Variants in TVP23B observed in about 807,000 individuals in gnomAD.
The protein encoded by TVP23B is trans-golgi network vesicle protein 23 homolog B.
TVP23B carries 10 observed loss-of-function variants against 30.6 expected under a neutral mutation model. That is an observed-to-expected ratio of 0.33 (90% CI 0.20 to 0.55). The LOEUF (loss-of-function observed/expected upper bound fraction) is 0.55, where lower values mean the gene tolerates loss of function less well. TVP23B is among the 20% of genes least tolerant of loss of function. TVP23B has a pLI of 0.91. For missense variants in TVP23B, 153 were observed against 243.2 expected (o/e 0.63, Z 2.47); for synonymous variants, 67 against 83.1 (o/e 0.81, Z 1.06).
rs773991169 is a variant in TVP23B, at chr17:18,798,823, A to T, written c.342A>T (p.Gln114His). 3.0e-5 allele frequency: 49 copies of T among 1,612,720 alleles called. No homozygotes were observed. The highest frequency in any genetic ancestry group is 4.1e-5 in the Non-Finnish European group (48 of 1,179,448). ...ATGTTCTTTTATAGGAGTCCTCTCA[A>T]GAGAATAAAACTGTGTCAGAGGCTG... ...WVFESRKESS[Q>H]ENKTVSEAES... The change falls in exon 5 of 7, where the codon CAA (glutamine) becomes CAT (histidine). Residue 114 changes from glutamine (Q) to histidine (H), a missense_variant. Gln to His is a conservative substitution (Grantham distance 24). Around this residue, in one of 3 missense-constraint regions of TVP23B, gnomAD observed 53 missense variants for 128.0 expected, o/e 0.41. Coordinates refer to ENST00000307767, the MANE Select transcript of TVP23B (RefSeq NM_016078.6).
chr17:18,793,709 G>T (rs553779917), intron 3 of TVP23B, among the ~76,000 whole-genome samples: 49 of 151,792 alleles, frequency 3.2e-4, no homozygotes, highest in African/African-American at 1.1e-3. Context: ...GCAAAAGAAG[G>T]AAAACAAAGC....
intron 1 of TVP23B, among the ~76,000 whole-genome samples, chr17:18,784,401 C>G (rs1336207671): frequency 2.6e-5 from 4 of 152,088 alleles, no homozygotes; most frequent in African/African-American, 9.7e-5. Flanking sequence ...AATCCCAGCA[C>G]TTTGGGAGGC....
intron 1 of TVP23B, among the ~76,000 whole-genome samples, chr17:18,783,643 ACTCAGGGT>A (rs1245480523): frequency 1.3e-5 from 2 of 152,052 alleles, no homozygotes; most frequent in Non-Finnish European, 2.9e-5. Flanking sequence ...TTGCATGTTT[ACTCAGGGT>A]CTCATATTCT....
chr17:18,787,715 C>T (rs1258695018), intron 1 of TVP23B, among the ~76,000 whole-genome samples: 4 of 152,136 alleles, frequency 2.6e-5, no homozygotes. Context: ...CATGTAGTAA[C>T]AGTATTGCTT....
chr17:18,801,215 T>G (rs1463938114), intron 5 of TVP23B, among the ~76,000 whole-genome samples: 1 of 152,216 alleles, frequency 6.6e-6, no homozygotes, highest in Non-Finnish European at 1.5e-5. Flanking sequence ...TAGGTTTTTC[T>G]GTAGGGTGAA....
At position 18,797,611 on chromosome 17, in the gene TVP23B, T is replaced by C. The variant is rs765156300; in HGVS notation, c.273T>C (p.Arg91=). 3 of 1,610,122 alleles carry C rather than the reference T, an allele frequency of 1.9e-6. No individual in the cohort carries two copies. In the Admixed American group the frequency reaches 5.1e-5, roughly 27 times the overall value. The change falls in exon 4 of 7, where the codon CGT becomes CGC. Residue 91 remains arginine (R), a synonymous_variant. Coordinates refer to ENST00000307767, the MANE Select transcript of TVP23B (RefSeq NM_016078.6). ...NVTGRLMVGL[R]WWNHIDEDGK... is the part of the protein sequence containing the mutation. ...CAGGTAGACTAATGGTTGGCCTACG[T>C]TGGTGGAATCACATTGATGAAGATG... is the stretch of plus-strand genomic sequence containing the variant.
rs2035932422 is a variant in TVP23B, at chr17:18,787,884, C to T, written c.13-1469C>T. On this transcript the variant is annotated intron_variant, in intron 1 of 6. Transcript: ENST00000307767. ...GCAGTAGAGTGACATGGTGTGATTT[C>T]CATATTGGGAGGATTGCTCTGGGTA... is the stretch of plus-strand genomic sequence containing the variant. 7.9e-5 allele frequency among the ~76,000 whole-genome samples: 12 copies of T among 151,992 alleles called. 1 individual carries two copies. In the South Asian group the frequency reaches 2.5e-3, roughly 32 times the overall value.
At chr17:18,800,986 C>T (rs1160145659) in intron 5 of TVP23B, among the ~76,000 whole-genome samples, 4 of 152,126 alleles carry the variant, frequency 2.6e-5, no homozygotes, top group South Asian at 2.1e-4. Flanking sequence ...GTTGACTGCT[C>T]CAGTAGAGCT....
At chr17:18,783,308 A>G (rs1014069659) in intron 1 of TVP23B, among the ~76,000 whole-genome samples, 1 of 151,962 alleles carries the variant, frequency 6.6e-6, no homozygotes, top group Non-Finnish European at 1.5e-5. Flanking sequence ...GTTTCACCAT[A>G]TTAACCAGGC....
rs1429450367 is a variant in TVP23B at position 18,805,700 on chromosome 17, A to G, written c.*133A>G. On this transcript the variant is annotated 3_prime_UTR_variant, in exon 7 of 7. Coordinates refer to ENST00000307767, the MANE Select transcript of TVP23B (RefSeq NM_016078.6). ...TTTCCACTTAAAAACTTTATTTATA[A>G]AAAGGAAAAGTAGTTTTCATATTAA... 6.8e-7 allele frequency: 1 copy of G among 1,478,120 alleles called. No homozygotes were observed. Among genetic ancestry groups the G allele is most frequent in the Non-Finnish European group, 9.0e-7 (1 of 1,114,016 alleles). The allele number at this position is 1,478,120 out of a possible 1,614,324, so 91.6% of individuals were successfully genotyped here.
chr17:18,788,469 A>G (rs1382330127), intron 1 of TVP23B, among the ~76,000 whole-genome samples: 1 of 151,854 alleles, frequency 6.6e-6, no homozygotes, highest in East Asian at 1.9e-4. Context: ...AGAAGTTTAT[A>G]TGCATATGCT....
intron 3 of TVP23B, among the ~76,000 whole-genome samples, chr17:18,792,095 A>G (rs1385420176): frequency 6.6e-6 from 1 of 151,408 alleles, no homozygotes; most frequent in Non-Finnish European, 1.5e-5. Context: ...GTGCAATGGC[A>G]TGATCTTGGC....
intron 3 of TVP23B, among the ~76,000 whole-genome samples, chr17:18,791,511 A>AC (rs2035994285): frequency 6.6e-6 from 1 of 151,972 alleles, no homozygotes; most frequent in African/African-American, 2.4e-5. Flanking sequence ...GTGTTTCTCA[A>AC]CCAGAGACAA....
intron 3 of TVP23B, chr17:18,797,133 T>C (rs1245003929): frequency 5.6e-6 from 1 of 178,408 alleles, no homozygotes; most frequent in Non-Finnish European, 1.2e-5. Flanking sequence ...ACTAATTTAT[T>C]ACCTTAGTAA....
intron 1 of TVP23B, among the ~76,000 whole-genome samples, chr17:18,788,097 G>C (rs1935496838): frequency 6.6e-6 from 1 of 151,738 alleles, no homozygotes; most frequent in African/African-American, 2.4e-5. Flanking sequence ...CCAGCAATGG[G>C]AGGCCGAGGC....
intron 3 of TVP23B, among the ~76,000 whole-genome samples, chr17:18,793,072 G>A (rs954378104): frequency 6.6e-6 from 1 of 152,042 alleles, no homozygotes; most frequent in Non-Finnish European, 1.5e-5. Flanking sequence ...ATCTCATAAT[G>A]TTTTAAGAAA....
chr17:18,791,120 A>T, intron 3 of TVP23B, 80 bp downstream of exon 3: 1 of 1,315,836 alleles, frequency 7.6e-7, no homozygotes. Flanking sequence ...ATTTTGCATT[A>T]TTGTTAATCT....
intron 3 of TVP23B, among the ~76,000 whole-genome samples, chr17:18,794,047 CAG>C (rs967954156): frequency 2.2e-4 from 34 of 151,536 alleles, no homozygotes; most frequent in African/African-American, 7.3e-4. Flanking sequence ...AGATCATTCA[CAG>C]AGTAAAATTA....
chr17:18,783,669 T>G (rs188614792), intron 1 of TVP23B, among the ~76,000 whole-genome samples: 1 of 152,368 alleles, frequency 6.6e-6, no homozygotes, highest in Admixed American at 6.5e-5. Context: ...TCTTTTATGA[T>G]AATTGGACTG....
Sources: gnomAD v4.1 joint callset for allele counts (sites outside exome capture counted in the v4.1 genomes callset) on GRCh38, gnomAD v4.1.1 for gene constraint, gnomAD v4.1.1 regional missense constraint, MANE v1.5 for transcripts, NCBI Gene and HGNC (gene_info 2026-07-23, HGNC 2026-07-21) for gene names.